PDS5B: variants seen among roughly 807,000 people sequenced by gnomAD.
PDS5B encodes sister chromatid cohesion protein PDS5 homolog B.
Under a neutral mutation model 184.1 loss-of-function variants are expected in PDS5B, and 51 were observed. The ratio of observed to expected loss-of-function variants is 0.28; its 90% confidence interval spans 0.22 to 0.35. PDS5B has a LOEUF of 0.35. Ranked by LOEUF, PDS5B falls within the 10% of genes least tolerant of loss-of-function variation. The probability of loss-of-function intolerance (pLI) is 1.00; values close to 1 mark genes in which losing one functional copy is unlikely to be tolerated. For missense variants in PDS5B, 1,180 were observed against 1,723.3 expected, an observed-to-expected ratio of 0.68 and a Z score of 5.58; for synonymous variants, 566 against 569.2, an observed-to-expected ratio of 0.99 and a Z score of 0.08.
rs143849853 is a variant in PDS5B at position 32,758,239 on chromosome 13, T to A, written c.3189+20T>A. 2.1e-3 allele frequency: 3,175 copies of A among 1,493,374 alleles called. 81 individuals are homozygous for A. In the Admixed American group the frequency reaches 0.051, roughly 24 times the overall value. 92.5% of individuals were successfully genotyped at this position (1,493,374 alleles called of 1,614,324 possible). The stretch of plus-strand genomic sequence containing the variant: ...AATGAAGTATGTAATTCTTTGTAAA[T>A]AATTATGGTTCCATATTGATTTAAA... On this transcript the variant is annotated intron_variant, in intron 27 of 34. Transcript: ENST00000315596.
chr13:32,742,853 A>T (rs1436322302), intron 23 of PDS5B, 126 bp downstream of exon 23: 3 of 823,166 alleles, frequency 3.6e-6, no homozygotes, highest in East Asian at 5.4e-5. Flanking sequence ...ATGTGCATAT[A>T]TTTTTACTGG....
At chr13:32,597,897 A>G (rs1267559595) in intron 1 of PDS5B, among the ~76,000 whole-genome samples, 5 of 152,062 alleles carry the variant, frequency 3.3e-5, no homozygotes, top group Non-Finnish European at 7.4e-5. Flanking sequence ...ATGTTTTAAA[A>G]TGATGAATTT....
intron 1 of PDS5B, among the ~76,000 whole-genome samples, chr13:32,607,635 T>G (rs978290241): frequency 1.3e-5 from 2 of 152,228 alleles, no homozygotes; most frequent in South Asian, 4.1e-4. Context: ...TGCCTTTTGT[T>G]CAGCTATGCC....
At chr13:32,719,517 C>A (rs1478313294) in intron 19 of PDS5B, among the ~76,000 whole-genome samples, 2 of 151,572 alleles carry the variant, frequency 1.3e-5, no homozygotes, top group Non-Finnish European at 1.5e-5. Flanking sequence ...TCATTTGTTG[C>A]AAAAAAATCT....
chr13:32,727,451 G>A (rs557048871), intron 19 of PDS5B, among the ~76,000 whole-genome samples: 1 of 151,780 alleles, frequency 6.6e-6, no homozygotes, highest in African/African-American at 2.4e-5. Flanking sequence ...TTTTTCTTCT[G>A]GAAGAACTCT....
At chr13:32,655,186 A>G (rs1451064628) in intron 3 of PDS5B, among the ~76,000 whole-genome samples, 1 of 132,262 alleles carries the variant, frequency 7.6e-6, no homozygotes. Context: ...CCTTGCCAGC[A>G]TCTGTCATTT....
At chr13:32,610,600 C>A (rs2058126032) in intron 1 of PDS5B, among the ~76,000 whole-genome samples, 2 of 150,050 alleles carry the variant, frequency 1.3e-5, no homozygotes, top group South Asian at 4.2e-4. Flanking sequence ...AGTAGTAGAT[C>A]CAACATTTGA....
At position 32,675,793 on chromosome 13, in the gene PDS5B, T is replaced by G. The variant is rs765910476; in HGVS notation, c.847-51T>G. On this transcript the variant is annotated intron_variant, in intron 8 of 34. Coordinates refer to ENST00000315596, the MANE Select transcript of PDS5B (RefSeq NM_015032.4). ...TTATGGCAAAGAATGGGCAGCCTTA[T>G]TCTGAATATCTACTGCATGGTTTTA... The G allele has an allele frequency of 1.5e-5, 16 of 1,094,628 alleles. No homozygotes were observed. In the South Asian group the frequency reaches 1.9e-4, roughly 13 times the overall value. 67.8% of individuals were successfully genotyped at this position (1,094,628 alleles called of 1,614,324 possible). A position where few individuals can be genotyped will look rare whatever the true frequency, so the allele number is the denominator to read the frequency against.
intron 19 of PDS5B, among the ~76,000 whole-genome samples, chr13:32,723,538 T>C (rs1952791332): frequency 8.3e-6 from 1 of 119,836 alleles, no homozygotes. Context: ...TGCAGAATTC[T>C]TAAAATTTTT....
At chr13:32,658,675 A>G (rs2140698078) in intron 5 of PDS5B, 144 bp downstream of exon 5, 1 of 548,210 alleles carries the variant, frequency 1.8e-6, no homozygotes, top group Non-Finnish European at 3.3e-6. Flanking sequence ...TACATGTTTC[A>G]AAAATGAATA....
intron 11 of PDS5B, among the ~76,000 whole-genome samples, chr13:32,685,914 A>G (rs182764113): frequency 7.9e-5 from 12 of 152,192 alleles, no homozygotes; most frequent in Admixed American, 2.0e-4. Context: ...TGTTAGGATT[A>G]CAAGCATGAG....
In PDS5B at chr13:32,705,686, T is replaced by C. The variant is rs565596860; in HGVS notation, c.1857-1248T>C. On this transcript the variant is annotated intron_variant, in intron 17 of 34. Transcript: ENST00000315596. ...ATTGTCAATGCATTACAAATGTTTATTTATATTTTTAGAGATAGGGTCTCA... is the reference window on the plus strand; with the variant it reads ...ATTGTCAATGCATTACAAATGTTTACTTATATTTTTAGAGATAGGGTCTCA... Among the ~76,000 whole-genome samples the C allele has an allele frequency of 3.3e-5, 5 of 152,290 alleles. No individual in the cohort carries two copies. The East Asian group carries it at 9.6e-4, about 29-fold the overall frequency.
intron 23 of PDS5B, among the ~76,000 whole-genome samples, chr13:32,743,162 GTTATT>G (rs1555314962): frequency 1.3e-5 from 2 of 151,646 alleles, no homozygotes; most frequent in African/African-American, 2.4e-5. Context: ...TTTGGTTTTT[GTTATT>G]TTATTTTCTT....
chr13:32,697,178 A>G (rs1385817663), intron 15 of PDS5B, among the ~76,000 whole-genome samples: 2 of 152,238 alleles, frequency 1.3e-5, no homozygotes, highest in African/African-American at 4.8e-5. Flanking sequence ...ACTCCAAGCC[A>G]AAATATAAAG....
At chr13:32,673,064 A>G (rs965562126) in intron 7 of PDS5B, 152 bp from the exon 8 acceptor site, 1 of 670,014 alleles carries the variant, frequency 1.5e-6, no homozygotes, top group Admixed American at 2.7e-5. Context: ...CATGTAGCCT[A>G]TATTGGTTTC....
At chr13:32,657,621 T>C (rs1950549350) in intron 3 of PDS5B, among the ~76,000 whole-genome samples, 1 of 152,228 alleles carries the variant, frequency 6.6e-6, no homozygotes, top group South Asian at 2.1e-4. Context: ...TAGCTGGTTA[T>C]TATGCAGACT....
intron 1 of PDS5B, among the ~76,000 whole-genome samples, chr13:32,600,393 A>T (rs1428628821): frequency 6.6e-6 from 1 of 152,192 alleles, no homozygotes; most frequent in Non-Finnish European, 1.5e-5. Flanking sequence ...GTGGCTGATT[A>T]TATTGAATTT....
intron 17 of PDS5B, among the ~76,000 whole-genome samples, 159 bp from the exon 18 acceptor site, chr13:32,706,775 C>G (rs567211586): frequency 1.3e-5 from 2 of 152,292 alleles, no homozygotes; most frequent in South Asian, 2.1e-4. Context: ...TCTGAAAATA[C>G]TATAGTTGTT....
intron 34 of PDS5B, among the ~76,000 whole-genome samples, chr13:32,773,960 T>C (rs1163525712): frequency 6.6e-6 from 1 of 152,098 alleles, no homozygotes; most frequent in East Asian, 1.9e-4. Context: ...AATGCCACTG[T>C]GCCCGACTAG....
Sources: allele counts gnomAD v4.1 joint callset (sites outside exome capture counted in the v4.1 genomes callset), GRCh38; gene constraint gnomAD v4.1.1; transcripts MANE v1.5; gene names NCBI Gene and HGNC (gene_info 2026-07-23, HGNC 2026-07-21).